Variants in SPEN observed in about 807,000 individuals in gnomAD.
SPEN encodes msx2-interacting protein.
SPEN carries 18 observed loss-of-function variants against 269.9 expected under a neutral mutation model. That is an observed-to-expected ratio of 0.07 (90% CI 0.05 to 0.10). The LOEUF (loss-of-function observed/expected upper bound fraction) is 0.10. Ranked by LOEUF, SPEN falls within the 10% of genes least tolerant of loss-of-function variation. The pLI, the probability that SPEN is intolerant of heterozygous loss-of-function variation, is 1.00. For missense variants in SPEN, 3,822 were observed against 4,631.2 expected (o/e 0.83, Z 5.07); for synonymous variants, 1,726 against 1,765.7 (o/e 0.98, Z 0.56).
chr1:15,929,264 G>C lies in SPEN; in HGVS notation c.3024G>C (p.Glu1008Asp). The change falls in exon 11 of 15, where the codon GAG becomes GAC. Residue 1008 changes from glutamate to aspartate, a missense_variant. This residue lies in a region of SPEN where 572 missense variants were observed against 582.6 expected (regional missense o/e 0.98). Coordinates refer to ENST00000375759, the MANE Select transcript of SPEN (RefSeq NM_015001.3). This position sits in a 1 kb window ranked among gnomAD's most constrained non-coding sequence, Gnocchi z 5.8. ...QKPEVKKSSP[E>D]MEDARVLSKK... ...CAGAGGTCAAGAAAAGCAGTCCAGA[G>C]ATGGAGGATGCTCGCGTGCTTTCAA... The C allele has an allele frequency of 6.2e-7, 1 of 1,614,200 alleles. No homozygotes were observed. The highest frequency in any genetic ancestry group is 8.5e-7 in the Non-Finnish European group (1 of 1,180,036).
At chr1:15,870,301 T>G (rs1557737790) in intron 1 of SPEN, among the ~76,000 whole-genome samples, 1 of 152,192 alleles carries the variant, frequency 6.6e-6, no homozygotes, top group Admixed American at 6.6e-5. Context: ...TGGGTTTTAG[T>G]TGGGTGGGTG....
At chr1:15,920,051 CT>C (rs201292788) in intron 8 of SPEN, among the ~76,000 whole-genome samples, 17,001 of 145,398 alleles carry the variant, frequency 0.12, 1,266 homozygotes, top group Admixed American at 0.24. Context: ...CTTGACAATG[CT>C]TTTTTTTTTT....
At chr1:15,915,489 A>C (rs12139673) in intron 5 of SPEN, among the ~76,000 whole-genome samples, 15,238 of 152,228 alleles carry the variant, frequency 0.1, 1,024 homozygotes, top group African/African-American at 0.18. Flanking sequence ...ACTCTGTCCC[A>C]AAAACAACAG....
chr1:15,916,478 T>A (rs2071068194), intron 6 of SPEN, among the ~76,000 whole-genome samples, 199 bp downstream of exon 6: 1 of 151,874 alleles, frequency 6.6e-6, no homozygotes. Context: ...GTAATATATG[T>A]CCTTTGTTTA....
intron 3 of SPEN, among the ~76,000 whole-genome samples, chr1:15,894,412 C>G (rs1234466702): frequency 3.3e-5 from 5 of 151,938 alleles, no homozygotes; most frequent in African/African-American, 1.2e-4. Context: ...TGTGAAGGGT[C>G]CAGTAAAGCC....
chr1:15,879,713 C>T (rs1256009460), intron 3 of SPEN, among the ~76,000 whole-genome samples: 3 of 151,672 alleles, frequency 2.0e-5, no homozygotes, highest in African/African-American at 7.3e-5. Context: ...CTCTGTCACC[C>T]AGGCTGGAAT....
At chr1:15,853,300 C>CCATA (rs2070354437) in intron 1 of SPEN, among the ~76,000 whole-genome samples, 1 of 151,402 alleles carries the variant, frequency 6.6e-6, no homozygotes, top group Admixed American at 6.6e-5. Context: ...ACTTCTTGTG[C>CCATA]CATAGCCTCC....
rs139575390 is a variant in SPEN, at chr1:15,932,120, C to T, written c.5880C>T (p.Ala1960=). The T allele has an allele frequency of 1.2e-4, 186 of 1,613,744 alleles. No homozygotes were observed. The highest frequency in any genetic ancestry group is 1.0e-3 in the Admixed American group (60 of 59,988). Residue 1960 remains alanine, a synonymous_variant, in exon 11 of 15, where the codon GCC becomes GCT. Transcript: ENST00000375759. This position sits in a 1 kb window ranked among gnomAD's most constrained non-coding sequence, Gnocchi z 4.2. ...GGCCTCCAAAGACACGCCGGCGAGC[C>T]GATGAAGAGGAGGAGAACGAGGCCA... ...RGRPPKTRRR[A]DEEEENEAKE...
rs1399798498 is a variant in SPEN at position 15,911,284 on chromosome 1, C to T, written c.1226C>T (p.Thr409Ile). 1 of 1,614,048 alleles carries T rather than the reference C, an allele frequency of 6.2e-7. No homozygotes were observed. The highest frequency in any genetic ancestry group is 8.5e-7 in the Non-Finnish European group (1 of 1,179,950). Residue 409 changes from threonine (T) to isoleucine (I), a missense_variant, in exon 5 of 15, where the codon ACA becomes ATA. Around this residue, in one of 16 missense-constraint regions of SPEN, gnomAD observed 230 missense variants for 426.1 expected, o/e 0.54. Coordinates refer to ENST00000375759, the MANE Select transcript of SPEN (RefSeq NM_015001.3). ...KLFFGMQIEV[T>I]AWIGPETESE... ...TTCTTTGGCATGCAGATTGAAGTAA[C>T]AGCATGGATAGGTCCAGGTAAGACA...
intron 3 of SPEN, among the ~76,000 whole-genome samples, chr1:15,888,480 C>T (rs1346151642): frequency 2.6e-5 from 4 of 151,800 alleles, no homozygotes; most frequent in East Asian, 1.9e-4. Context: ...CACGTCACCA[C>T]GCCTGGCTAA....
At position 15,936,166 on chromosome 1, in the gene SPEN, G is replaced by A. The variant is rs768278663; in HGVS notation, c.9926G>A (p.Gly3309Asp). Residue 3309 changes from glycine to aspartate, a missense_variant, in exon 11 of 15, where the codon GGC becomes GAC. Physicochemically the swap from Gly to Asp is moderately conservative, Grantham distance 94. Transcript: ENST00000375759. ...SGELFQEYRY[G>D]DIRTYHPPAQ... Reference sequence around the variant, plus strand: ...GAGCTGTTTCAAGAGTACCGGTACGGCGACATCCGCACCTACCACCCCCCG... The same window carrying A: ...GAGCTGTTTCAAGAGTACCGGTACGACGACATCCGCACCTACCACCCCCCG... 34 of 1,608,986 alleles carry A rather than the reference G, an allele frequency of 2.1e-5. 1 individual carries two copies. In the South Asian group the frequency reaches 3.6e-4, roughly 17 times the overall value.
chr1:15,903,499 C>T (rs1050144730), intron 3 of SPEN, among the ~76,000 whole-genome samples: 12 of 152,166 alleles, frequency 7.9e-5, no homozygotes, highest in Non-Finnish European at 1.5e-5. Flanking sequence ...ATAATCCTCC[C>T]ACCTTAGACT....
chr1:15,925,278 A>G (rs1022443592), intron 10 of SPEN, among the ~76,000 whole-genome samples: 19 of 152,172 alleles, frequency 1.2e-4, no homozygotes, highest in African/African-American at 4.1e-4. Context: ...ATGAATTTAC[A>G]GGGTCACATT....
intron 3 of SPEN, among the ~76,000 whole-genome samples, chr1:15,903,271 T>A (rs957815386): frequency 6.6e-6 from 1 of 152,264 alleles, no homozygotes; most frequent in Admixed American, 6.5e-5. Flanking sequence ...ACCAGTTGCC[T>A]ACTCTTATAT....
intron 3 of SPEN, among the ~76,000 whole-genome samples, chr1:15,902,869 T>C (rs1434403201): frequency 2.0e-5 from 3 of 152,182 alleles, no homozygotes; most frequent in African/African-American, 7.2e-5. Flanking sequence ...TGTTTTCTAA[T>C]TGCCCTAATC....
intron 3 of SPEN, among the ~76,000 whole-genome samples, chr1:15,900,055 A>G (rs1205288551): frequency 6.6e-6 from 1 of 152,104 alleles, no homozygotes; most frequent in Non-Finnish European, 1.5e-5. Context: ...CATATTGGTC[A>G]GGGTGGTCTT....
rs566082553 is a variant in SPEN at position 15,932,367 on chromosome 1, C to T, written c.6127C>T (p.Arg2043Cys). ...AEEEAGSEQK[R>C]DRKDAGTDKN... ...GGAGGAGGCAGGGAGTGAACAGAAA[C>T]GTGACAGAAAAGATGCTGGCACAGA... The change falls in exon 11 of 15, where the codon CGT becomes TGT. Residue 2043 changes from arginine to cysteine, a missense_variant. Physicochemically the swap from Arg to Cys is radical, Grantham distance 180. This residue lies in a region of SPEN where 727 missense variants were observed against 737.9 expected (regional missense o/e 0.99). Coordinates refer to ENST00000375759, the MANE Select transcript of SPEN (RefSeq NM_015001.3). This position sits in a 1 kb window ranked among gnomAD's most constrained non-coding sequence, Gnocchi z 4.2. The T allele has an allele frequency of 3.5e-5, 57 of 1,614,066 alleles. No homozygotes were observed. The South Asian group carries it at 4.6e-4, about 13-fold the overall frequency.
chr1:15,858,946 AAAAC>A lies in SPEN; in HGVS notation c.83+10808_83+10811del, dbSNP rs200829646. On this transcript the variant is annotated intron_variant, in intron 1 of 14. Transcript: ENST00000375759. ...GCAATAGAGAAAAACCCTGTCTCAA[AAAAC>A]AAACAAACAAAAAACTTAATGTTTT... Among the ~76,000 whole-genome samples the A allele has an allele frequency of 7.2e-3, 1,094 of 152,296 alleles. 23 individuals carry two copies. The highest frequency in any genetic ancestry group is 0.025 in the African/African-American group (1,035 of 41,548).
rs774850736 is a variant in SPEN at position 15,928,340 on chromosome 1, G to A, written c.2100G>A (p.Arg700=). ...TTAGGGAATATAGTTACAGGCAAAG[G>A]GAACGAGAAAGAGAACGTGAAAGAT... ...QDIREYSYRQ[R]ERERERERFE... The change falls in exon 11 of 15, where the codon AGG becomes AGA. Residue 700 remains arginine, a synonymous_variant. Transcript: ENST00000375759. This position sits in a 1 kb window ranked among gnomAD's most constrained non-coding sequence, Gnocchi z 5.7. 1 of 1,614,178 alleles carries A rather than the reference G, an allele frequency of 6.2e-7. No individual in the cohort carries two copies.
Sources: allele counts gnomAD v4.1 joint callset (sites outside exome capture counted in the v4.1 genomes callset), GRCh38; gene constraint gnomAD v4.1.1; regional missense constraint gnomAD v4.1.1; non-coding constraint Gnocchi (gnomAD v3.1); transcripts MANE v1.5; gene names NCBI Gene and HGNC (gene_info 2026-07-23, HGNC 2026-07-21).